PDZRN3: variants seen among roughly 807,000 people sequenced by gnomAD.
PDZRN3 encodes the protein PDZ domain containing ring finger 3, also known as E3 ubiquitin-protein ligase PDZRN3.
Under a neutral mutation model 85.7 loss-of-function variants are expected in PDZRN3, and 38 were observed. That is an observed-to-expected ratio of 0.44 (90% CI 0.34 to 0.58). The LOEUF (loss-of-function observed/expected upper bound fraction) is 0.58, where lower values mean the gene tolerates loss of function less well. Ranked by LOEUF, PDZRN3 falls within the 20% of genes least tolerant of loss-of-function variation. The pLI is 0.01. For synonymous variants in PDZRN3, 759 were observed against 638.0 expected (o/e 1.19, Z -2.86); for missense variants, 1,629 against 1,506.4 (o/e 1.08, Z -1.35).
chr3:73,432,507 G>A (rs1402506053), intron 3 of PDZRN3, among the ~76,000 whole-genome samples: 1 of 152,114 alleles, frequency 6.6e-6, no homozygotes, highest in Non-Finnish European at 1.5e-5. Flanking sequence ...CAGTGGGGAA[G>A]GCAGACAGAC....
At chr3:73,594,996 T>C (rs1702412555) in intron 3 of PDZRN3, among the ~76,000 whole-genome samples, 1 of 152,212 alleles carries the variant, frequency 6.6e-6, no homozygotes, top group Non-Finnish European at 1.5e-5. Context: ...TCCTTGTTTA[T>C]GTGCCCATGA....
intron 5 of PDZRN3, among the ~76,000 whole-genome samples, chr3:73,394,134 A>C (rs1020024792): frequency 3.3e-5 from 5 of 152,224 alleles, no homozygotes; most frequent in Non-Finnish European, 7.3e-5. Context: ...TATTGCTTTA[A>C]GATATTTTCA....
At chr3:73,614,544 G>C (rs943969547) in intron 1 of PDZRN3, among the ~76,000 whole-genome samples, 1 of 152,206 alleles carries the variant, frequency 6.6e-6, no homozygotes, top group Non-Finnish European at 1.5e-5. Context: ...TAGGTTTTGA[G>C]AAATGTAACT....
At chr3:73,521,263 A>G (rs1021456433) in intron 3 of PDZRN3, among the ~76,000 whole-genome samples, 3 of 152,188 alleles carry the variant, frequency 2.0e-5, no homozygotes, top group Admixed American at 1.3e-4. Flanking sequence ...CGCTCTGGAC[A>G]TCTTTACTGG....
At chr3:73,614,122 A>G (rs1702726409) in intron 1 of PDZRN3, among the ~76,000 whole-genome samples, 1 of 152,196 alleles carries the variant, frequency 6.6e-6, no homozygotes, top group African/African-American at 2.4e-5. Context: ...TCAATGTTAA[A>G]ATTACCCCAA....
In PDZRN3 at chr3:73,474,011, T is replaced by C. The variant is rs370496855; in HGVS notation, c.919-69616A>G. Among the ~76,000 whole-genome samples the C allele has an allele frequency of 3.8e-4, 58 of 152,324 alleles. No individual in the cohort carries two copies. In the South Asian group the frequency reaches 0.011, roughly 29 times the overall value. On this transcript the variant is annotated intron_variant, in intron 3 of 9. Transcript: ENST00000263666. ...AGATAACTAATATACTTGTCACACA[T>C]CTACTAAGCGGTAGAGCCTGGACTC...
chr3:73,504,449 T>G (rs2106692959), intron 3 of PDZRN3, among the ~76,000 whole-genome samples: 1 of 152,318 alleles, frequency 6.6e-6, no homozygotes, highest in South Asian at 2.1e-4. Flanking sequence ...CAGGAAGATT[T>G]TCATCTCCAT....
rs1054811455 is a variant in PDZRN3, at chr3:73,391,078, C to T, written c.1293G>A (p.Leu431=). The change falls in exon 6 of 10, where the codon CTG becomes CTA. Residue 431 remains leucine, a synonymous_variant. Transcript: ENST00000263666. ...CCGTCCGGTAGCACACAGTGAGGCC[C>T]AGCTTGTCCTGGCTGTTCATTCTGT... is the stretch of plus-strand genomic sequence containing the variant. The part of the protein sequence containing the change: ...DLYRMNSQDK[L]GLTVCYRTDD... The T allele has an allele frequency of 1.2e-6, 2 of 1,613,840 alleles. No homozygotes were observed. Among genetic ancestry groups the T allele is most frequent in the Non-Finnish European group, 1.7e-6 (2 of 1,179,860 alleles).
At chr3:73,411,053 C>CT (rs1370177640) in intron 3 of PDZRN3, among the ~76,000 whole-genome samples, 2 of 152,242 alleles carry the variant, frequency 1.3e-5, no homozygotes, top group Non-Finnish European at 2.9e-5. Context: ...ACTTGAGGGT[C>CT]TTCTCCAGTA....
At chr3:73,565,666 G>T (rs920690365) in intron 3 of PDZRN3, among the ~76,000 whole-genome samples, 1 of 151,956 alleles carries the variant, frequency 6.6e-6, no homozygotes, top group Non-Finnish European at 1.5e-5. Context: ...GGCCGGGCGC[G>T]GTGACTCACG....
At chr3:73,416,444 A>C (rs1702083062) in intron 3 of PDZRN3, among the ~76,000 whole-genome samples, 1 of 151,780 alleles carries the variant, frequency 6.6e-6, no homozygotes. Flanking sequence ...CCATACCGAC[A>C]TAGTCTTTCT....
intron 3 of PDZRN3, among the ~76,000 whole-genome samples, chr3:73,533,546 T>G (rs897279875): frequency 6.6e-6 from 1 of 152,026 alleles, no homozygotes; most frequent in South Asian, 2.1e-4. Flanking sequence ...TTTAAAAAAT[T>G]GTTTTTTTTT....
chr3:73,497,670 G>A (rs1575691662), intron 3 of PDZRN3, among the ~76,000 whole-genome samples: 2 of 152,316 alleles, frequency 1.3e-5, no homozygotes, highest in Non-Finnish European at 2.9e-5. Context: ...AGTTATCAAC[G>A]TGTTAATCTT....
At chr3:73,552,604 A>G (rs1357344042) in intron 3 of PDZRN3, among the ~76,000 whole-genome samples, 5 of 152,200 alleles carry the variant, frequency 3.3e-5, no homozygotes, top group African/African-American at 7.2e-5. Flanking sequence ...TATCAACTAG[A>G]TTCTGCAGAA....
intron 3 of PDZRN3, among the ~76,000 whole-genome samples, chr3:73,592,626 A>C (rs1163445914): frequency 6.6e-6 from 1 of 152,238 alleles, no homozygotes; most frequent in Non-Finnish European, 1.5e-5. Context: ...AGAGGTCTCC[A>C]CTGAGCACTG....
At chr3:73,619,610 C>T (rs575456212) in intron 1 of PDZRN3, among the ~76,000 whole-genome samples, 1 of 152,054 alleles carries the variant, frequency 6.6e-6, no homozygotes, top group Admixed American at 6.5e-5. Context: ...TCCAGGTAGA[C>T]AGAAGAGCAA....
intron 3 of PDZRN3, among the ~76,000 whole-genome samples, chr3:73,557,431 C>T (rs547273296): frequency 1.3e-5 from 2 of 152,290 alleles, no homozygotes; most frequent in South Asian, 4.2e-4. Context: ...TATTTCTCAT[C>T]TTATGATATG....
intron 3 of PDZRN3, among the ~76,000 whole-genome samples, chr3:73,584,793 T>G (rs926531479): frequency 6.6e-6 from 1 of 152,134 alleles, no homozygotes; most frequent in African/African-American, 2.4e-5. Context: ...CACTCAAAAT[T>G]ACCAATATAT....
chr3:73,515,757 G>A (rs1403171900), intron 3 of PDZRN3, among the ~76,000 whole-genome samples: 1 of 152,136 alleles, frequency 6.6e-6, no homozygotes, highest in Non-Finnish European at 1.5e-5. Context: ...GCTAAATTTA[G>A]TTATCTATAA....
Sources: allele counts gnomAD v4.1 joint callset (sites outside exome capture counted in the v4.1 genomes callset), GRCh38; gene constraint gnomAD v4.1.1; transcripts MANE v1.5; gene names NCBI Gene and HGNC (gene_info 2026-07-23, HGNC 2026-07-21).